Variants in ACOT9 observed in about 807,000 individuals in gnomAD.
The protein encoded by ACOT9 is acyl-CoA thioesterase 9.
A neutral mutation model predicts 39.7 loss-of-function variants in ACOT9; 34 were observed. That is an observed-to-expected ratio of 0.86 (90% CI 0.65 to 1.14). The LOEUF (loss-of-function observed/expected upper bound fraction) is 1.14. Among genes scored for constraint, ACOT9 ranks in the 50% most tolerant of loss-of-function variants. The probability of loss-of-function intolerance (pLI) is 0.00; values close to 1 mark genes in which losing one functional copy is unlikely to be tolerated. For synonymous variants in ACOT9, 110 were observed against 120.5 expected (o/e 0.91, Z 0.57); for missense variants, 313 against 344.1 (o/e 0.91, Z 0.71).
At chrX:23,730,414 A>G in intron 6 of ACOT9, 113 bp downstream of exon 6, 2 of 608,334 alleles carry the variant, frequency 3.3e-6, no homozygotes, top group Non-Finnish European at 5.2e-6. Flanking sequence ...TTTTTTGTGC[A>G]CTTTAGAATA....
chrX:23,740,021 T>TA (rs1174728706), intron 1 of ACOT9, among the ~76,000 whole-genome samples: 2 of 111,294 alleles, frequency 1.8e-5, no homozygotes, highest in Non-Finnish European at 3.8e-5. Flanking sequence ...GAACACTTTT[T>TA]AAAAAAATGT....
intron 8 of ACOT9, among the ~76,000 whole-genome samples, chrX:23,715,545 G>C (rs1929046738): frequency 9.1e-6 from 1 of 110,030 alleles, no homozygotes; most frequent in Non-Finnish European, 1.9e-5. Flanking sequence ...TAACTTGGGG[G>C]GCATTACTAT....
At chrX:23,731,238 G>A (rs1454577030) in intron 4 of ACOT9, among the ~76,000 whole-genome samples, 1 of 112,072 alleles carries the variant, frequency 8.9e-6, no homozygotes, top group East Asian at 2.8e-4. Flanking sequence ...CATTTTGGGA[G>A]GCCAAGGCGG....
At position 23,701,635 on chromosome X, in the gene ACOT9, A is replaced by G. The variant is rs962611854; in HGVS notation, c.*2259T>C. Among the ~76,000 whole-genome samples the G allele has an allele frequency of 9.0e-5, 10 of 111,142 alleles. No individual in the cohort carries two copies. Among genetic ancestry groups the G allele is most frequent in the Admixed American group, 8.6e-4 (9 of 10,453 alleles). On this transcript the variant is annotated 3_prime_UTR_variant, in exon 16 of 16. Coordinates refer to ENST00000379303, the MANE Select transcript of ACOT9 (RefSeq NM_001037171.2). Reference sequence around the variant, plus strand: ...TACAGGTGCACACCACCATGCTCAGATAATTTTTTAACTTTTTGTAGAGAA... The same window carrying G: ...TACAGGTGCACACCACCATGCTCAGGTAATTTTTTAACTTTTTGTAGAGAA...
intron 6 of ACOT9, among the ~76,000 whole-genome samples, chrX:23,724,606 T>C (rs1929441846): frequency 9.0e-6 from 1 of 110,519 alleles, no homozygotes; most frequent in South Asian, 3.9e-4. Context: ...ATCCCGTCTC[T>C]ACAGTAAAAT....
At position 23,731,260 on chromosome X, in the gene ACOT9, G is replaced by A. The variant is rs192501284; in HGVS notation, c.192-274C>T. 1.3e-4 allele frequency among the ~76,000 whole-genome samples: 14 copies of A among 111,762 alleles called. No homozygotes were observed. In the East Asian group the frequency reaches 3.1e-3, roughly 24 times the overall value. On this transcript the variant is annotated intron_variant, in intron 4 of 15. Coordinates refer to ENST00000379303, the MANE Select transcript of ACOT9 (RefSeq NM_001037171.2). ...GGAGGCCAAGGCGGGTGGATCACAC[G>A]AGGTCAGGGGTTCAAGACCAGCCTG...
At chrX:23,732,336 T>G (rs1423621680) in intron 4 of ACOT9, among the ~76,000 whole-genome samples, 1 of 112,548 alleles carries the variant, frequency 8.9e-6, no homozygotes, top group Non-Finnish European at 1.9e-5. Flanking sequence ...TGAGAGAATG[T>G]CTTATTTGTT....
In ACOT9 at chrX:23,701,436, G is replaced by A. The variant is rs13441234; in HGVS notation, c.*2458C>T. On this transcript the variant is annotated 3_prime_UTR_variant, in exon 16 of 16. Transcript: ENST00000379303. The stretch of plus-strand genomic sequence containing the variant: ...CTCCTGTGACTATTTCATGCCAGAG[G>A]TGCTTGTTGACACTGTGATTTCAAT... 9.1e-6 allele frequency among the ~76,000 whole-genome samples: 1 copy of A among 109,944 alleles called. No homozygotes were observed. Among genetic ancestry groups the A allele is most frequent in the African/African-American group, 3.3e-5 (1 of 30,355 alleles).
Position 23,722,762 on chromosome X carries a change from A to C in ACOT9, c.401-9T>G, listed in dbSNP as rs780502940. On this transcript the variant is annotated splice_polypyrimidine_tract_variant and intron_variant, in intron 6 of 15. Transcript: ENST00000379303. Reference sequence around the variant, plus strand: ...CATGTAACAAATAAGAACTGCAGGGAAACAGGAGTGTACCAAATTTTAAAA... The same window carrying C: ...CATGTAACAAATAAGAACTGCAGGGCAACAGGAGTGTACCAAATTTTAAAA... 5 of 1,137,063 alleles carry C rather than the reference A, an allele frequency of 4.4e-6. No homozygotes were observed. In the East Asian group the frequency reaches 9.1e-5, roughly 21 times the overall value. The allele number at this position is 1,137,063 out of a possible 1,213,427, so 93.7% of individuals were successfully genotyped here. A position where few individuals can be genotyped will look rare whatever the true frequency, so the allele number is the denominator to read the frequency against.
At chrX:23,715,667 T>A (rs1453700767) in intron 8 of ACOT9, among the ~76,000 whole-genome samples, 1 of 111,490 alleles carries the variant, frequency 9.0e-6, no homozygotes, top group East Asian at 2.8e-4. Context: ...AAATACTGCA[T>A]AACGATATAC....
At chrX:23,719,820 C>T (rs1470714228) in intron 8 of ACOT9, among the ~76,000 whole-genome samples, 2 of 102,490 alleles carry the variant, frequency 2.0e-5, no homozygotes, top group African/African-American at 3.6e-5. Context: ...TACTCAATAC[C>T]CTGGCATAAA....
chrX:23,728,218 A>T (rs5970784), intron 6 of ACOT9, among the ~76,000 whole-genome samples: 10 of 110,051 alleles, frequency 9.1e-5, no homozygotes, highest in Non-Finnish European at 1.9e-5. Context: ...GGTGGGAGCA[A>T]GTAAGGTAAC....
intron 5 of ACOT9, 116 bp from the exon 6 acceptor site, chrX:23,730,680 C>T (rs1929703866): frequency 1.1e-6 from 1 of 950,251 alleles, no homozygotes; most frequent in Admixed American, 2.4e-5. Context: ...GTGATGGATG[C>T]ACAACTCTCT....
At chrX:23,722,568 A>AG in intron 7 of ACOT9, 102 bp downstream of exon 7, 1 of 646,302 alleles carries the variant, frequency 1.5e-6, no homozygotes, top group Non-Finnish European at 2.3e-6. Context: ...CCGTCTCAAA[A>AG]AAAAAAAAAA....
chrX:23,731,281 G>T (rs1041817437), intron 4 of ACOT9, among the ~76,000 whole-genome samples: 1 of 111,420 alleles, frequency 9.0e-6, no homozygotes, highest in African/African-American at 3.3e-5. Flanking sequence ...TTCAAGACCA[G>T]CCTGGCCAAC....
Position 23,730,543 on chromosome X carries a change from ATCC to A in ACOT9, c.381_383del (p.Glu127del). The A allele has an allele frequency of 8.3e-7, 1 of 1,206,918 alleles. No homozygotes were observed. Among genetic ancestry groups the A allele is most frequent in the Non-Finnish European group, 1.1e-6 (1 of 891,285 alleles). ...TACCAGTACCTCCCAAGCTGTCAAG[ATCC>A]TCAAGAATCCTGCCAAATCTGTGAA... On this transcript the variant is annotated inframe_deletion, in exon 6 of 16. Transcript: ENST00000379303.
chrX:23,730,719 C>G lies in ACOT9; in HGVS notation c.362+97G>C, dbSNP rs1406055278. 4 of 1,010,246 alleles carry G rather than the reference C, an allele frequency of 4.0e-6. No homozygotes were observed. In the East Asian group the frequency reaches 1.2e-4, roughly 31 times the overall value. 83.3% of individuals were successfully genotyped at this position (1,010,246 alleles called of 1,213,427 possible). A position where few individuals can be genotyped will look rare whatever the true frequency, so the allele number is the denominator to read the frequency against. On this transcript the variant is annotated intron_variant, in intron 5 of 15. Transcript: ENST00000379303. Reference sequence around the variant, plus strand: ...TATATCAAAACCATGGAACTGTACACTTTAAACAGGCGAATTGTATGGTGT... The same window carrying G: ...TATATCAAAACCATGGAACTGTACAGTTTAAACAGGCGAATTGTATGGTGT...
rs947210656 is a variant in ACOT9, at chrX:23,734,303, C to T, written c.145+38G>A. ...TATATTAGTGCTTACAAAATTTAAG[C>T]TCTTAAAAGAAAAGCTGATACTAAT... is the stretch of plus-strand genomic sequence containing the variant. On this transcript the variant is annotated intron_variant, in intron 3 of 15. Coordinates refer to ENST00000379303, the MANE Select transcript of ACOT9 (RefSeq NM_001037171.2). 4 of 1,160,982 alleles carry T rather than the reference C, an allele frequency of 3.4e-6. No homozygotes were observed. In the Admixed American group the frequency reaches 7.4e-5, roughly 21 times the overall value.
chrX:23,715,422 AG>A (rs1231629797), intron 8 of ACOT9, among the ~76,000 whole-genome samples: 5 of 111,213 alleles, frequency 4.5e-5, no homozygotes, highest in Non-Finnish European at 9.4e-5. Context: ...TCCTTCATTC[AG>A]CCCCCTTAAT....
Sources: gnomAD v4.1 joint callset for allele counts (sites outside exome capture counted in the v4.1 genomes callset) on GRCh38, gnomAD v4.1.1 for gene constraint, MANE v1.5 for transcripts, NCBI Gene and HGNC (gene_info 2026-07-23, HGNC 2026-07-21) for gene names.